SYT16: variants seen among roughly 807,000 people sequenced by gnomAD.
SYT16 encodes the protein synaptotagmin-16.
Under a neutral mutation model 61.4 loss-of-function variants are expected in SYT16, and 42 were observed. That is an observed-to-expected ratio of 0.68 (90% CI 0.53 to 0.89). The LOEUF (loss-of-function observed/expected upper bound fraction) is 0.89, where lower values mean the gene tolerates loss of function less well. Ranked by LOEUF, SYT16 falls within the 40% of genes least tolerant of loss-of-function variation. The pLI is 0.00. For missense variants in SYT16, 804 were observed against 807.3 expected, an observed-to-expected ratio of 1.00 and a Z score of 0.05; for synonymous variants, 314 against 302.3, an observed-to-expected ratio of 1.04 and a Z score of -0.40.
At chr14:61,952,735 A>G (rs953004482) in intron 1 of SYT16, among the ~76,000 whole-genome samples, 3 of 152,144 alleles carry the variant, frequency 2.0e-5, no homozygotes, top group Non-Finnish European at 2.9e-5. Flanking sequence ...TTATTTTGGA[A>G]CATGTTAAAA....
In SYT16 at chr14:62,067,919, G is replaced by C. The variant is rs531548815; in HGVS notation, c.524-1684G>C. On this transcript the variant is annotated intron_variant, in intron 3 of 7. Coordinates refer to ENST00000683842, the MANE Select transcript of SYT16 (RefSeq NM_001367656.1). ...GAGAATTGCTTGAACCTAGGAGACAGAGGTTGCAGTGAGCTGAGATTGTGG... is the reference window on the plus strand; with the variant it reads ...GAGAATTGCTTGAACCTAGGAGACACAGGTTGCAGTGAGCTGAGATTGTGG... 1.1e-4 allele frequency among the ~76,000 whole-genome samples: 17 copies of C among 152,328 alleles called. No individual in the cohort carries two copies. In the East Asian group the frequency reaches 3.3e-3, roughly 29 times the overall value.
At chr14:61,896,691 T>C (rs2048337058) in intron 1 of SYT16, among the ~76,000 whole-genome samples, 2 of 152,226 alleles carry the variant, frequency 1.3e-5, no homozygotes, top group Admixed American at 6.5e-5. Context: ...ATATGCCAAA[T>C]AGGGACCTTG....
Position 62,073,170 on chromosome 14 carries a change from T to C in SYT16, c.737-1965T>C, listed in dbSNP as rs137932755. ...TTACATTAATATCATTCTTATGTTT[T>C]TCAGTTATGAATAACTTTTCAAGGC... is the stretch of plus-strand genomic sequence containing the variant. On this transcript the variant is annotated intron_variant, in intron 4 of 7. Transcript: ENST00000683842. 1.8e-4 allele frequency among the ~76,000 whole-genome samples: 28 copies of C among 152,342 alleles called. No individual in the cohort carries two copies. In the East Asian group the frequency reaches 4.8e-3, roughly 26 times the overall value.
chr14:61,849,647 C>T (rs2046550747), intron 1 of SYT16, among the ~76,000 whole-genome samples: 1 of 150,872 alleles, frequency 6.6e-6, no homozygotes, highest in African/African-American at 2.5e-5. Context: ...GCTCTCCCTC[C>T]CTCAAGTGCA....
intron 1 of SYT16, chr14:61,865,035 G>C: frequency 7.1e-7 from 1 of 1,411,344 alleles, no homozygotes; most frequent in Non-Finnish European, 1.0e-6. Flanking sequence ...CATTTCTGCT[G>C]TATTCGGCTG....
chr14:62,033,677 A>C (rs1377164138), intron 3 of SYT16, among the ~76,000 whole-genome samples: 1 of 134,248 alleles, frequency 7.4e-6, no homozygotes, highest in African/African-American at 3.1e-5. Context: ...TCCAATGAAA[A>C]AACAGCCTTC....
At chr14:61,964,188 G>A (rs1355977830) in intron 1 of SYT16, among the ~76,000 whole-genome samples, 2 of 152,154 alleles carry the variant, frequency 1.3e-5, no homozygotes, top group East Asian at 1.9e-4. Flanking sequence ...TAAGAAATAT[G>A]TTTTGCAAGG....
At chr14:62,023,080 C>T (rs2053972957) in intron 3 of SYT16, among the ~76,000 whole-genome samples, 2 of 152,066 alleles carry the variant, frequency 1.3e-5, no homozygotes, top group Admixed American at 6.6e-5. Flanking sequence ...ACTGTTTTTT[C>T]AGTAAGCCCA....
intron 7 of SYT16, among the ~76,000 whole-genome samples, chr14:62,092,173 AACACACACAC>A (rs56324432): frequency 0.039 from 5,184 of 131,308 alleles, 151 homozygotes; most frequent in African/African-American, 0.068. Context: ...TGGCTACTAT[AACACACACAC>A]ACACACACAC....
chr14:62,043,664 C>T (rs2054838829), intron 3 of SYT16, among the ~76,000 whole-genome samples: 2 of 152,116 alleles, frequency 1.3e-5, no homozygotes, highest in Non-Finnish European at 1.5e-5. Flanking sequence ...GCCTTGGCCT[C>T]CCAAAGTGCT....
intron 1 of SYT16, among the ~76,000 whole-genome samples, chr14:61,958,882 T>G (rs777619542): frequency 2.0e-5 from 3 of 152,108 alleles, no homozygotes; most frequent in Non-Finnish European, 2.9e-5. Context: ...TTGCTACCTA[T>G]TTTTCACTTC....
chr14:62,083,790 A>G (rs2056792932), intron 6 of SYT16, among the ~76,000 whole-genome samples: 1 of 152,192 alleles, frequency 6.6e-6, no homozygotes, highest in Admixed American at 6.5e-5. Flanking sequence ...GGAGCTGCAG[A>G]GAACAGAAAC....
intron 3 of SYT16, among the ~76,000 whole-genome samples, chr14:62,068,120 C>A (rs566015455): frequency 2.6e-5 from 4 of 152,090 alleles, no homozygotes; most frequent in Admixed American, 6.5e-5. Flanking sequence ...GCATTATTCA[C>A]AATAGCCAAG....
chr14:62,059,038 T>C (rs1356840470), intron 3 of SYT16, among the ~76,000 whole-genome samples: 3 of 151,852 alleles, frequency 2.0e-5, no homozygotes, highest in Non-Finnish European at 4.4e-5. Flanking sequence ...CATGGACACA[T>C]AGAGGGGAAC....
intron 1 of SYT16, among the ~76,000 whole-genome samples, chr14:61,861,690 C>T (rs73256476): frequency 0.14 from 20,852 of 152,212 alleles, 1,591 homozygotes; most frequent in African/African-American, 0.2. Context: ...CAGGTATGGG[C>T]CACCATGCCC....
intron 1 of SYT16, among the ~76,000 whole-genome samples, chr14:61,909,474 A>G (rs1452443574): frequency 6.6e-6 from 1 of 152,120 alleles, no homozygotes; most frequent in Non-Finnish European, 1.5e-5. Flanking sequence ...TTGTGATTAC[A>G]TAACTTCAGT....
rs576570781 is a variant in SYT16, at chr14:62,011,874, T to TAC, written c.523+15362_523+15363dup. On this transcript the variant is annotated intron_variant, in intron 3 of 7. Coordinates refer to ENST00000683842, the MANE Select transcript of SYT16 (RefSeq NM_001367656.1). The stretch of plus-strand genomic sequence containing the variant: ...ACCACAAGTCAGGGAACACTATATA[T>TAC]ACACACACACACACACACACACACA... 6.4e-3 allele frequency among the ~76,000 whole-genome samples: 867 copies of TAC among 136,476 alleles called. 9 individuals are homozygous for TAC. The highest frequency in any genetic ancestry group is 0.019 in the East Asian group (94 of 4,864). 89.5% of individuals were successfully genotyped at this position (136,476 alleles called of 152,430 possible).
At chr14:61,905,615 C>T (rs2048673865) in intron 1 of SYT16, among the ~76,000 whole-genome samples, 2 of 152,156 alleles carry the variant, frequency 1.3e-5, no homozygotes, top group Admixed American at 1.3e-4. Flanking sequence ...CTTCTTACAC[C>T]TGCTAGCTGA....
intron 1 of SYT16, among the ~76,000 whole-genome samples, chr14:61,871,871 G>A (rs1243857491): frequency 6.6e-6 from 1 of 152,138 alleles, no homozygotes; most frequent in Non-Finnish European, 1.5e-5. Context: ...AGGCAATATT[G>A]TTGGTAAAAT....
Sources: allele counts gnomAD v4.1 joint callset (sites outside exome capture counted in the v4.1 genomes callset), GRCh38; gene constraint gnomAD v4.1.1; transcripts MANE v1.5; gene names NCBI Gene and HGNC (gene_info 2026-07-23, HGNC 2026-07-21).